DAB1: variants seen among roughly 807,000 people sequenced by gnomAD.
DAB1 encodes the protein DAB adaptor protein 1, also known as disabled homolog 1.
Under a neutral mutation model 64.6 loss-of-function variants are expected in DAB1, and 15 were observed. The observed-to-expected ratio is 0.23, with a 90% CI of 0.16 to 0.36. The LOEUF is 0.36. Among genes scored for constraint, DAB1 ranks in the 10% least tolerant of loss-of-function variants. DAB1 has a pLI of 1.00. For missense variants in DAB1, 596 were observed against 706.7 expected, an observed-to-expected ratio of 0.84 and a Z score of 1.78; for synonymous variants, 235 against 251.9, an observed-to-expected ratio of 0.93 and a Z score of 0.64.
chr1:57,000,105 G>T (rs1334176368), intron 14 of DAB1, among the ~76,000 whole-genome samples: 4 of 146,468 alleles, frequency 2.7e-5, no homozygotes, highest in African/African-American at 1.0e-4. Flanking sequence ...GTGCAGTGGC[G>T]CGATGTCGGC....
intron 3 of DAB1, among the ~76,000 whole-genome samples, chr1:58,475,281 G>C (rs1285068523): frequency 6.6e-6 from 1 of 151,868 alleles, no homozygotes; most frequent in Non-Finnish European, 1.5e-5. Flanking sequence ...TCAGCCTCCC[G>C]AGTAACTGGA....
At chr1:57,303,790 T>C (rs1158514919) in intron 1 of DAB1, among the ~76,000 whole-genome samples, 1 of 152,154 alleles carries the variant, frequency 6.6e-6, no homozygotes, top group Non-Finnish European at 1.5e-5. Context: ...AACAACATGA[T>C]ACCTAATCCC....
At chr1:57,880,649 A>G (rs1257123168) in intron 1 of DAB1, 1 of 152,200 alleles carries the variant, frequency 6.6e-6, no homozygotes, top group Non-Finnish European at 1.5e-5. Flanking sequence ...TCGAAAAACA[A>G]GAGTCATCAG....
intron 5 of DAB1, chr1:58,079,930 C>T (rs957344403): frequency 6.6e-6 from 1 of 152,146 alleles, no homozygotes; most frequent in African/African-American, 2.4e-5. Context: ...CACATAGGTG[C>T]TTCATAAGTG....
chr1:58,096,211 A>G (rs1347031101), intron 5 of DAB1, among the ~76,000 whole-genome samples: 1 of 152,224 alleles, frequency 6.6e-6, no homozygotes, highest in African/African-American at 2.4e-5. Flanking sequence ...TTTAAAAATA[A>G]ATGTCACTTT....
At chr1:57,922,045 C>G (rs1356184250) in intron 5 of DAB1, among the ~76,000 whole-genome samples, 1 of 152,204 alleles carries the variant, frequency 6.6e-6, no homozygotes. Context: ...AAATATCACC[C>G]TATCCTTTTC....
At chr1:57,903,347 G>C (rs1276926406) in intron 5 of DAB1, among the ~76,000 whole-genome samples, 2 of 152,152 alleles carry the variant, frequency 1.3e-5, no homozygotes, top group Non-Finnish European at 2.9e-5. Flanking sequence ...TCTAAAAAGA[G>C]CTTTCCCTCT....
chr1:57,391,318 T>C (rs1349564392), intron 1 of DAB1, among the ~76,000 whole-genome samples: 1 of 152,198 alleles, frequency 6.6e-6, no homozygotes, highest in South Asian at 2.1e-4. Context: ...CATCTGTTAC[T>C]TCTTCATGAT....
intron 7 of DAB1, among the ~76,000 whole-genome samples, chr1:57,565,382 C>T (rs574808183): frequency 1.3e-5 from 2 of 152,130 alleles, no homozygotes; most frequent in African/African-American, 4.8e-5. Context: ...GCAAAATAAC[C>T]AGCTAACATC....
intron 1 of DAB1, among the ~76,000 whole-genome samples, chr1:57,371,339 G>C (rs1680480718): frequency 6.6e-6 from 1 of 152,158 alleles, no homozygotes; most frequent in Non-Finnish European, 1.5e-5. Flanking sequence ...TGGGTGTTCT[G>C]TTAATTTATC....
chr1:58,126,984 T>G (rs1018523947), intron 5 of DAB1, among the ~76,000 whole-genome samples: 29 of 149,884 alleles, frequency 1.9e-4, no homozygotes, highest in African/African-American at 6.9e-4. Context: ...AGTAATGGGA[T>G]GGCTGGGTCA....
At chr1:57,913,949 G>A (rs1472591150) in intron 5 of DAB1, among the ~76,000 whole-genome samples, 1 of 152,132 alleles carries the variant, frequency 6.6e-6, no homozygotes, top group African/African-American at 2.4e-5. Context: ...GAAACAACAG[G>A]TGCTGGAGAG....
At chr1:58,292,959 C>A (rs759626584) in intron 4 of DAB1, among the ~76,000 whole-genome samples, 2 of 151,900 alleles carry the variant, frequency 1.3e-5, no homozygotes, top group Non-Finnish European at 1.5e-5. Context: ...TCTATGCTTG[C>A]GAATGGTGAA....
At chr1:58,237,556 T>A (rs533103110) in intron 4 of DAB1, among the ~76,000 whole-genome samples, 52 of 151,920 alleles carry the variant, frequency 3.4e-4, no homozygotes, top group African/African-American at 1.2e-3. Flanking sequence ...TGAAAAAAAA[T>A]TCTAAAGGAA....
At chr1:57,240,398 T>C (rs1286397760) in intron 2 of DAB1, among the ~76,000 whole-genome samples, 2 of 152,206 alleles carry the variant, frequency 1.3e-5, no homozygotes, top group Admixed American at 1.3e-4. Context: ...TCATCTACAG[T>C]GGTCATACAC....
chr1:57,257,031 G>A (rs1669818414), intron 2 of DAB1, among the ~76,000 whole-genome samples: 1 of 152,238 alleles, frequency 6.6e-6, no homozygotes, highest in Admixed American at 6.5e-5. Context: ...GGGCTCAGCT[G>A]TCCTACATGA....
At chr1:57,439,056 G>T (rs12121490) in intron 7 of DAB1, among the ~76,000 whole-genome samples, 17,864 of 152,166 alleles carry the variant, frequency 0.12, 1,305 homozygotes, top group Non-Finnish European at 0.17. Context: ...TTGATTCAAG[G>T]GTGGGTAGAG....
intron 4 of DAB1, among the ~76,000 whole-genome samples, chr1:58,296,834 T>G (rs1409951101): frequency 6.6e-6 from 1 of 152,186 alleles, no homozygotes; most frequent in African/African-American, 2.4e-5. Flanking sequence ...ATGTTTACCT[T>G]GGGCAAATTA....
chr1:58,181,524 CCTT>C (rs1358897648), intron 4 of DAB1, among the ~76,000 whole-genome samples: 1 of 151,970 alleles, frequency 6.6e-6, no homozygotes, highest in Non-Finnish European at 1.5e-5. Flanking sequence ...TCCTTAATTG[CCTT>C]CTTCTGTGTA....
Sources: gnomAD v4.1 joint callset for allele counts (sites outside exome capture counted in the v4.1 genomes callset) on GRCh38, gnomAD v4.1.1 for gene constraint, MANE v1.5 for transcripts, NCBI Gene and HGNC (gene_info 2026-07-23, HGNC 2026-07-21) for gene names.